The following ENPP2 variants were observed in gnomAD, a reference collection of about 807,000 sequenced individuals.
The protein encoded by ENPP2 is ectonucleotide pyrophosphatase/phosphodiesterase 2.
ENPP2 carries 51 observed loss-of-function variants against 120.2 expected under a neutral mutation model. That is an observed-to-expected ratio of 0.42 (90% confidence interval 0.34 to 0.54). ENPP2 has a LOEUF of 0.54. ENPP2 is among the 20% of genes least tolerant of loss of function. ENPP2 has a pLI of 0.04. For missense variants in ENPP2, 920 were observed against 1,066.5 expected (o/e 0.86, Z 1.91); for synonymous variants, 365 against 366.4 (o/e 1.00, Z 0.04).
At chr8:119,666,582 A>T (rs1242866688) in intron 1 of ENPP2, among the ~76,000 whole-genome samples, 1 of 152,154 alleles carries the variant, frequency 6.6e-6, no homozygotes, top group Non-Finnish European at 1.5e-5. Flanking sequence ...GGAGTTCGAG[A>T]CCAGCCTGAC....
At chr8:119,610,655 C>A (rs1407397892) in intron 8 of ENPP2, among the ~76,000 whole-genome samples, 6 of 151,904 alleles carry the variant, frequency 3.9e-5, no homozygotes, top group Non-Finnish European at 8.8e-5. Flanking sequence ...ATAATCCCAG[C>A]ACTTTGGGAG....
chr8:119,580,938 G>A (rs1177142219), intron 18 of ENPP2: 1 of 152,124 alleles, frequency 6.6e-6, no homozygotes, highest in Admixed American at 6.5e-5. Context: ...GTTATTTTAG[G>A]AAACTATACA....
At position 119,557,551 on chromosome 8, in the gene ENPP2, T is replaced by C. The variant is rs777386335; in HGVS notation, c.2562A>G (p.Thr854=). ...TCTCGCTCTCATATGTATGCAGGTATGTCTTGAGTGTCAGGATTTCTGGGT... is the reference window on the plus strand; with the variant it reads ...TCTCGCTCTCATATGTATGCAGGTACGTCTTGAGTGTCAGGATTTCTGGGT... ...RSYPEILTLK[T]YLHTYESEI Residue 854 remains threonine, a synonymous_variant, in exon 25 of 25, where the codon ACA becomes ACG. Transcript: ENST00000075322. 1 of 1,613,334 alleles carries C rather than the reference T, an allele frequency of 6.2e-7. No homozygotes were observed. The highest frequency in any genetic ancestry group is 8.5e-7 in the Non-Finnish European group (1 of 1,179,988).
At chr8:119,593,936 C>A (rs1813714700) in intron 11 of ENPP2, 76 bp from the exon 12 acceptor site, 3 of 856,512 alleles carry the variant, frequency 3.5e-6, no homozygotes, top group Admixed American at 1.9e-5. Context: ...TCTTCTACCC[C>A]TAGAACATTT....
chr8:119,563,414 T>C (rs1814132834), intron 23 of ENPP2, among the ~76,000 whole-genome samples: 1 of 152,186 alleles, frequency 6.6e-6, no homozygotes, highest in Admixed American at 6.5e-5. Flanking sequence ...TAAAGGTTTT[T>C]GTGCTAGGGA....
chr8:119,583,843 G>A (rs1436237872), intron 16 of ENPP2, 39 bp from the exon 17 acceptor site: 1 of 1,431,436 alleles, frequency 7.0e-7, no homozygotes, highest in Non-Finnish European at 9.8e-7. Context: ...GTTAAGCATT[G>A]TTAGGTAGGA....
intron 1 of ENPP2, among the ~76,000 whole-genome samples, chr8:119,672,011 G>C (rs531168620): frequency 1.6e-3 from 241 of 152,284 alleles, no homozygotes; most frequent in Admixed American, 2.1e-3. Flanking sequence ...GCGTGGGAGG[G>C]GGGGAGTTGA....
intron 8 of ENPP2, among the ~76,000 whole-genome samples, chr8:119,612,028 CA>C (rs1056214914): frequency 6.7e-6 from 1 of 149,522 alleles, no homozygotes; most frequent in African/African-American, 2.5e-5. Context: ...AACTCTGTCT[CA>C]AAAAAAATAA....
intron 21 of ENPP2, among the ~76,000 whole-genome samples, chr8:119,568,641 C>T (rs1563673775): frequency 1.3e-5 from 2 of 151,960 alleles, no homozygotes; most frequent in South Asian, 2.1e-4. Context: ...TGCTCTGTCA[C>T]CCAGGGTGAA....
Position 119,601,892 on chromosome 8 carries a change from C to T in ENPP2, c.834-430G>A, listed in dbSNP as rs114803802. ...GACCACTCGGTCTCAGTTTACTCAT[C>T]GGTAAGATAAAGCTAACAGCAAAGA... is the stretch of plus-strand genomic sequence containing the variant. On this transcript the variant is annotated intron_variant, in intron 9 of 24. Transcript: ENST00000075322. 4.1e-3 allele frequency among the ~76,000 whole-genome samples: 629 copies of T among 152,180 alleles called. 3 individuals are homozygous for T. The highest frequency in any genetic ancestry group is 0.014 in the African/African-American group (595 of 41,516).
In ENPP2 at chr8:119,626,603, C is replaced by G. The variant is rs1371909864; in HGVS notation, c.254G>C (p.Ser85Thr). ...CAGCTCATCAAAGTCATGGCAGCAA[C>G]TGGTATAGCTCTTACACAAGTTGTC... is the stretch of plus-strand genomic sequence containing the variant. ...RCDNLCKSYT[S>T]CCHDFDELCL... The change falls in exon 3 of 25, where the codon AGT becomes ACT. Residue 85 changes from serine to threonine, a missense_variant. By Grantham distance (58) the Ser-to-Thr change is moderately conservative (BLOSUM62 1). Transcript: ENST00000075322. The G allele has an allele frequency of 2.5e-6, 4 of 1,613,922 alleles. No homozygotes were observed. Among genetic ancestry groups the G allele is most frequent in the Non-Finnish European group, 1.7e-6 (2 of 1,179,922 alleles).
intron 20 of ENPP2, 87 bp downstream of exon 20, chr8:119,570,618 G>T: frequency 1.4e-6 from 1 of 703,522 alleles, no homozygotes; most frequent in Non-Finnish European, 2.3e-6. Flanking sequence ...TATTTTCTAA[G>T]ACAAAATTCT....
chr8:119,668,042 T>C (rs1180273833), intron 1 of ENPP2, among the ~76,000 whole-genome samples: 1 of 152,144 alleles, frequency 6.6e-6, no homozygotes, highest in African/African-American at 2.4e-5. Context: ...TAGACATCAC[T>C]TCCTAAAGAA....
intron 9 of ENPP2, among the ~76,000 whole-genome samples, chr8:119,607,498 AC>A (rs1390282707): frequency 2.0e-5 from 3 of 152,004 alleles, no homozygotes; most frequent in African/African-American, 7.3e-5. Flanking sequence ...ACGTGGTGAA[AC>A]CCTGTCTCTA....
chr8:119,588,567 C>T lies in ENPP2; in HGVS notation c.1208-1492G>A, dbSNP rs866005346. ...AAAAAAAAAAAGAGCTTTGCAGGCA[C>T]TTTCTCTCTGGTCATTCACAATAAC... is the stretch of plus-strand genomic sequence containing the variant. On this transcript the variant is annotated intron_variant, in intron 13 of 24. Transcript: ENST00000075322. Among the ~76,000 whole-genome samples the T allele has an allele frequency of 7.5e-5, 11 of 146,532 alleles. 1 individual carries two copies. In the South Asian group the frequency reaches 2.2e-3, roughly 30 times the overall value.
At chr8:119,573,825 AAAAG>A (rs1812143930) in intron 19 of ENPP2, among the ~76,000 whole-genome samples, 1 of 152,202 alleles carries the variant, frequency 6.6e-6, no homozygotes, top group Non-Finnish European at 1.5e-5. Context: ...AAAAGAAAAG[AAAAG>A]AAAGAAATTT....
intron 7 of ENPP2, among the ~76,000 whole-genome samples, chr8:119,616,700 G>A (rs573499576): frequency 8.1e-4 from 123 of 152,084 alleles, no homozygotes; most frequent in African/African-American, 2.8e-3. Flanking sequence ...ATGTATACAT[G>A]TGCCTCCAAA....
chr8:119,593,864 G>C lies in ENPP2; in HGVS notation c.973-4C>G, dbSNP rs1813708966. 1 of 1,545,232 alleles carries C rather than the reference G, an allele frequency of 6.5e-7. No homozygotes were observed. Among genetic ancestry groups the C allele is most frequent in the African/African-American group, 1.4e-5 (1 of 73,688 alleles). Reference sequence around the variant, plus strand: ...TTTCCCTCAGAGGATTTGTCATCTAGGAAAAAGAAGCAAGTTAGTCCCCAC... The same window carrying C: ...TTTCCCTCAGAGGATTTGTCATCTACGAAAAAGAAGCAAGTTAGTCCCCAC... On this transcript the variant is annotated splice_region_variant and splice_polypyrimidine_tract_variant and intron_variant, in intron 11 of 24. Transcript: ENST00000075322.
intron 18 of ENPP2, chr8:119,580,723 C>T (rs1228039093): frequency 6.6e-6 from 1 of 152,170 alleles, no homozygotes; most frequent in African/African-American, 2.4e-5. Flanking sequence ...TAAATGTTCT[C>T]AAGTAGGAAA....
Sources: gnomAD v4.1 joint callset for allele counts (sites outside exome capture counted in the v4.1 genomes callset) on GRCh38, gnomAD v4.1.1 for gene constraint, MANE v1.5 for transcripts, NCBI Gene and HGNC (gene_info 2026-07-23, HGNC 2026-07-21) for gene names.